The following BCL9L variants were observed in gnomAD, a reference collection of about 807,000 sequenced individuals.
The protein encoded by BCL9L is B-cell CLL/lymphoma 9-like protein.
Under a neutral mutation model 99.4 loss-of-function variants are expected in BCL9L, and 19 were observed. The observed-to-expected ratio is 0.19, with a 90% confidence interval of 0.13 to 0.28. The LOEUF (loss-of-function observed/expected upper bound fraction) is 0.28. Ranked by LOEUF, BCL9L falls within the 10% of genes least tolerant of loss-of-function variation. The probability of loss-of-function intolerance (pLI) is 1.00; values close to 1 mark genes in which losing one functional copy is unlikely to be tolerated. For missense variants in BCL9L, 2,023 were observed against 2,101.6 expected (o/e 0.96, Z 0.73); for synonymous variants, 900 against 854.8 (o/e 1.05, Z -0.92).
Position 118,914,169 on chromosome 11 carries a change from A to G in BCL9L, c.-76-4154T>C, listed in dbSNP as rs901322016. ...CTTCCCAAGCCTGGGTTCCCAGAAC[A>G]GGCAGAGATGGGCAAGGCAGCTCCC... On this transcript the variant is annotated intron_variant, in intron 2 of 9. Coordinates refer to ENST00000683865, the MANE Select transcript of BCL9L (RefSeq NM_001378213.1). The surrounding 1 kb of genome is among the most constrained non-coding windows in gnomAD (Gnocchi z 4.4). Among the ~76,000 whole-genome samples, 1 of 152,170 alleles carries G rather than the reference A, an allele frequency of 6.6e-6. No homozygotes were observed. The highest frequency in any genetic ancestry group is 1.5e-5 in the Non-Finnish European group (1 of 68,012).
rs1941244793 is a variant in BCL9L, at chr11:118,925,052, G to A, written c.-131+186C>T. 6.6e-6 allele frequency: 1 copy of A among 152,466 alleles called. No homozygotes were observed. Among genetic ancestry groups the A allele is most frequent in the African/African-American group, 2.4e-5 (1 of 41,456 alleles). 9.4% of individuals were successfully genotyped at this position (152,466 alleles called of 1,614,324 possible). On this transcript the variant is annotated intron_variant, in intron 1 of 9. Coordinates refer to ENST00000683865, the MANE Select transcript of BCL9L (RefSeq NM_001378213.1). This position sits in a 1 kb window ranked among gnomAD's most constrained non-coding sequence, Gnocchi z 6.4. ...TGTTCTGGAGCTGCCAACCTGATTG[G>A]GGGCTTAAGAGTAGCCTCCACTGAC...
chr11:118,918,057 G>C (rs754803614), intron 2 of BCL9L, among the ~76,000 whole-genome samples: 4 of 152,168 alleles, frequency 2.6e-5, no homozygotes, highest in South Asian at 2.1e-4. Context: ...GTGTCCCTTG[G>C]GGGGTGGCTT....
chr11:118,909,811 C>A, intron 3 of BCL9L, 103 bp downstream of exon 3: 2 of 1,566,940 alleles, frequency 1.3e-6, no homozygotes, highest in Non-Finnish European at 1.8e-6. Flanking sequence ...GTGCCCAGGG[C>A]GGCTCCTCTC....
rs776458103 is a variant in BCL9L, at chr11:118,902,309, G to A, written c.1434C>T (p.Ser478=). Residue 478 remains serine (S), a synonymous_variant, in exon 8 of 10, where the codon AGC becomes AGT. Coordinates refer to ENST00000683865, the MANE Select transcript of BCL9L (RefSeq NM_001378213.1). The surrounding 1 kb of genome is among the most constrained non-coding windows in gnomAD (Gnocchi z 7.8). ...CATGCTCCAGCGGGGGGCCCCCTAG[G>A]CTCTGTGTCTGTGAAATCATGGACT... ...PLQSMISQTQ[S]LGGPPLEHEV... The A allele has an allele frequency of 6.4e-7, 1 of 1,563,578 alleles. No homozygotes were observed. Among genetic ancestry groups the A allele is most frequent in the South Asian group, 1.2e-5 (1 of 82,718 alleles).
chr11:118,912,267 A>G (rs1032333237), intron 2 of BCL9L, among the ~76,000 whole-genome samples: 1 of 152,224 alleles, frequency 6.6e-6, no homozygotes, highest in African/African-American at 2.4e-5. Context: ...TGCTAGTACC[A>G]GGCCAGGGGC....
intron 2 of BCL9L, among the ~76,000 whole-genome samples, chr11:118,912,249 A>AG (rs1940823753): frequency 2.0e-5 from 3 of 152,256 alleles, no homozygotes; most frequent in Non-Finnish European, 4.4e-5. Context: ...CACCCAGTGA[A>AG]GGGGGCTTGC....
rs1001023461 is a variant in BCL9L, at chr11:118,925,272, G to A, written c.-165C>T. On this transcript the variant is annotated 5_prime_UTR_variant, in exon 1 of 10. Transcript: ENST00000683865. The surrounding 1 kb of genome is among the most constrained non-coding windows in gnomAD (Gnocchi z 6.4). ...ATTGGGGGGTCCTCACGCCAGGCCG[G>A]AGCTGGACGCCATGACCAGGTCAGG... The A allele has an allele frequency of 2.6e-5, 4 of 152,474 alleles. No individual in the cohort carries two copies. The highest frequency in any genetic ancestry group is 5.9e-5 in the Non-Finnish European group (4 of 68,194). The allele number at this position is 152,474 out of a possible 1,614,324, so 9.4% of individuals were successfully genotyped here.
Position 118,917,836 on chromosome 11 carries a change from G to A in BCL9L, c.-77+990C>T, listed in dbSNP as rs1174199379. 3.3e-5 allele frequency among the ~76,000 whole-genome samples: 5 copies of A among 152,046 alleles called. No individual in the cohort carries two copies. The East Asian group carries it at 9.6e-4, about 29-fold the overall frequency. ...CCTTGTCCCTGCCGGTCAGAGGAGG[G>A]CACAAGGCTAGTCACCGAGACAACA... On this transcript the variant is annotated intron_variant, in intron 2 of 9. Coordinates refer to ENST00000683865, the MANE Select transcript of BCL9L (RefSeq NM_001378213.1).
At chr11:118,912,011 C>T (rs1260200278) in intron 2 of BCL9L, among the ~76,000 whole-genome samples, 1 of 152,274 alleles carries the variant, frequency 6.6e-6, no homozygotes, top group African/African-American at 2.4e-5. Context: ...GTCACCCTCC[C>T]CTCCGGGACT....
intron 2 of BCL9L, among the ~76,000 whole-genome samples, chr11:118,912,057 T>C (rs935543195): frequency 6.6e-6 from 1 of 152,182 alleles, no homozygotes; most frequent in Non-Finnish European, 1.5e-5. Context: ...CAGGGCGAGC[T>C]GAGTCAAGCG....
At chr11:118,916,726 G>A (rs1243550325) in intron 2 of BCL9L, among the ~76,000 whole-genome samples, 2 of 152,208 alleles carry the variant, frequency 1.3e-5, no homozygotes, top group Non-Finnish European at 1.5e-5. Context: ...TCATAGGTCT[G>A]GGCACTGCCC....
rs1386942463 is a variant in BCL9L, at chr11:118,896,447, A to G, written c.*1968T>C. ...TCTCTCCTCAGGGCAGGAAACACAG[A>G]GTCAGACAGTTTGGGGGGGTCTTGG... is the stretch of plus-strand genomic sequence containing the variant. On this transcript the variant is annotated 3_prime_UTR_variant, in exon 10 of 10. Transcript: ENST00000683865. The G allele has an allele frequency of 6.6e-6, 1 of 152,494 alleles. No homozygotes were observed. The highest frequency in any genetic ancestry group is 1.9e-4 in the East Asian group (1 of 5,190). 9.4% of individuals were successfully genotyped at this position (152,494 alleles called of 1,614,324 possible).
chr11:118,909,855 G>A, intron 3 of BCL9L, 59 bp downstream of exon 3: 1 of 1,612,960 alleles, frequency 6.2e-7, no homozygotes, highest in Non-Finnish European at 8.5e-7. Flanking sequence ...ATCACCACTG[G>A]GCCCTTCCCT....
chr11:118,919,759 G>A (rs1003947846), intron 1 of BCL9L, among the ~76,000 whole-genome samples: 4 of 152,290 alleles, frequency 2.6e-5, no homozygotes, highest in African/African-American at 9.6e-5. Flanking sequence ...TCCATTCTAA[G>A]GCTCATACAG....
chr11:118,906,036 G>C (rs568340244), intron 5 of BCL9L, among the ~76,000 whole-genome samples: 1 of 151,990 alleles, frequency 6.6e-6, no homozygotes, highest in Non-Finnish European at 1.5e-5. Flanking sequence ...TGGCAAGACT[G>C]TCTCTACAAA....
intron 4 of BCL9L, among the ~76,000 whole-genome samples, chr11:118,907,947 C>T (rs1032789654): frequency 6.6e-6 from 1 of 152,188 alleles, no homozygotes; most frequent in African/African-American, 2.4e-5. Flanking sequence ...GATACGGAGG[C>T]TCCTGGAAGT....
In BCL9L at chr11:118,908,744, A is replaced by G. The variant is rs538935638; in HGVS notation, c.27-89T>C. On this transcript the variant is annotated intron_variant, in intron 3 of 9. Transcript: ENST00000683865. Reference sequence around the variant, plus strand: ...TAATTACCCCATCCTGCCTCCCCTAACAATGGGGGAGGGTGGGGGGAAGGG... The same window carrying G: ...TAATTACCCCATCCTGCCTCCCCTAGCAATGGGGGAGGGTGGGGGGAAGGG... 5.1e-5 allele frequency: 56 copies of G among 1,089,476 alleles called. 1 individual carries two copies. Among genetic ancestry groups the G allele is most frequent in the Admixed American group, 2.6e-4 (11 of 42,130 alleles). 67.5% of individuals were successfully genotyped at this position (1,089,476 alleles called of 1,614,324 possible).
chr11:118,907,722 C>T (rs1940585870), intron 4 of BCL9L, 120 bp from the exon 5 acceptor site: 9 of 1,453,892 alleles, frequency 6.2e-6, no homozygotes, highest in Non-Finnish European at 8.3e-6. Flanking sequence ...CTGCCCAGGC[C>T]ATGGTGGGCA....
rs531375636 is a variant in BCL9L at position 118,900,710 on chromosome 11, A to G, written c.3033T>C (p.Pro1011=). The change falls in exon 8 of 10, where the codon CCT becomes CCC. Residue 1011 remains proline (P), a synonymous_variant. Coordinates refer to ENST00000683865, the MANE Select transcript of BCL9L (RefSeq NM_001378213.1). The surrounding 1 kb of genome is among the most constrained non-coding windows in gnomAD (Gnocchi z 5.3). The part of the protein sequence containing the change: ...AVPSPGWVAS[P]KTAMPSPGVS... Reference sequence around the variant, plus strand: ...CCCCCGGGCTGGGCATGGCCGTCTTAGGTGAGGCAACCCAGCCTGGAGAAG... The same window carrying G: ...CCCCCGGGCTGGGCATGGCCGTCTTGGGTGAGGCAACCCAGCCTGGAGAAG... The G allele has an allele frequency of 3.3e-5, 53 of 1,613,942 alleles. No individual in the cohort carries two copies. The East Asian group carries it at 1.1e-3, about 34-fold the overall frequency.
Sources: gnomAD v4.1 joint callset for allele counts (sites outside exome capture counted in the v4.1 genomes callset) on GRCh38, gnomAD v4.1.1 for gene constraint, Gnocchi (gnomAD v3.1) non-coding constraint, MANE v1.5 for transcripts, NCBI Gene and HGNC (gene_info 2026-07-23, HGNC 2026-07-21) for gene names.